The following SDK1 variants were observed in gnomAD, a reference collection of about 807,000 sequenced individuals.
SDK1 encodes the protein sidekick cell adhesion molecule 1.
Under a neutral mutation model 245.5 loss-of-function variants are expected in SDK1, and 157 were observed. That is an observed-to-expected ratio of 0.64 (90% CI 0.56 to 0.73). The LOEUF (loss-of-function observed/expected upper bound fraction) is 0.73, where lower values mean the gene tolerates loss of function less well. Ranked by LOEUF, SDK1 falls within the 30% of genes least tolerant of loss-of-function variation. The pLI, the probability that SDK1 is intolerant of heterozygous loss-of-function variation, is 0.00. For missense variants in SDK1, 3,583 were observed against 3,002.3 expected (o/e 1.19, Z -4.52); for synonymous variants, 1,647 against 1,278.5 (o/e 1.29, Z -6.15).
intron 4 of SDK1, among the ~76,000 whole-genome samples, chr7:3,666,003 T>G (rs1249013852): frequency 6.6e-6 from 1 of 152,214 alleles, no homozygotes; most frequent in Non-Finnish European, 1.5e-5. Flanking sequence ...GGGTTCACTC[T>G]TTCTTCCTGC....
At chr7:3,454,267 A>G (rs1322132206) in intron 1 of SDK1, among the ~76,000 whole-genome samples, 2 of 152,182 alleles carry the variant, frequency 1.3e-5, no homozygotes, top group East Asian at 3.8e-4. Context: ...AGATTATGAA[A>G]ATCAACTCAC....
chr7:4,171,844 A>G (rs1781858891), intron 32 of SDK1, among the ~76,000 whole-genome samples: 1 of 152,228 alleles, frequency 6.6e-6, no homozygotes, highest in African/African-American at 2.4e-5. Context: ...CGCAGGATGG[A>G]TACGTGACCC....
In SDK1 at chr7:3,619,094, T is replaced by C. The variant is rs753759887; in HGVS notation, c.313T>C (p.Tyr105His). The C allele has an allele frequency of 3.1e-6, 5 of 1,603,306 alleles. No homozygotes were observed. The highest frequency in any genetic ancestry group is 4.3e-6 in the Non-Finnish European group (5 of 1,172,800). The change falls in exon 2 of 45, where the codon TAT (tyrosine) becomes CAT (histidine). Residue 105 changes from tyrosine (Y) to histidine (H), a missense_variant. By Grantham distance (83) the Tyr-to-His change is moderately conservative. Transcript: ENST00000404826. ...RALAQDDVAP[Y>H]FKTEPGLPQI... ...TAATATTTCAGATGATGTTGCTCCA[T>C]ATTTTAAAACGGAGCCAGGCCTACC...
intron 4 of SDK1, among the ~76,000 whole-genome samples, chr7:3,707,552 T>C (rs994152173): frequency 7.2e-5 from 11 of 152,210 alleles, no homozygotes; most frequent in African/African-American, 2.4e-4. Flanking sequence ...GTTCTGTAAA[T>C]ATCTGTTAGG....
intron 13 of SDK1, among the ~76,000 whole-genome samples, chr7:3,983,903 G>T (rs1050367108): frequency 1.3e-5 from 2 of 152,196 alleles, no homozygotes; most frequent in African/African-American, 4.8e-5. Flanking sequence ...AGAGAAGGAC[G>T]TGTGCGTCTC....
At chr7:3,827,256 T>C (rs988225546) in intron 5 of SDK1, among the ~76,000 whole-genome samples, 2 of 152,178 alleles carry the variant, frequency 1.3e-5, no homozygotes, top group African/African-American at 4.8e-5. Flanking sequence ...TTCCAAGGCG[T>C]AGGCAGGCAT....
chr7:3,761,133 G>C (rs1052333182), intron 4 of SDK1, among the ~76,000 whole-genome samples: 1 of 152,000 alleles, frequency 6.6e-6, no homozygotes, highest in Non-Finnish European at 1.5e-5. Context: ...ATCTGTAACA[G>C]AATGAGTAGC....
At chr7:3,837,159 T>A (rs773479638) in intron 5 of SDK1, among the ~76,000 whole-genome samples, 1 of 152,226 alleles carries the variant, frequency 6.6e-6, no homozygotes, top group Non-Finnish European at 1.5e-5. Context: ...TACAGCTCAG[T>A]CCATAACGAC....
chr7:3,731,645 C>A (rs1281752681), intron 4 of SDK1, among the ~76,000 whole-genome samples: 1 of 152,090 alleles, frequency 6.6e-6, no homozygotes, highest in East Asian at 1.9e-4. Flanking sequence ...GTCGTCTCAC[C>A]TATTGTGATG....
chr7:4,017,348 G>A lies in SDK1; in HGVS notation c.2598G>A (p.Gln866=), dbSNP rs761284922. Residue 866 remains glutamine, a synonymous_variant, in exon 17 of 45, where the codon CAG becomes CAA. Transcript: ENST00000404826. ...FSRAVTEYTL[Q]GVPTAPPQNV... is the part of the protein sequence containing the mutation. Reference sequence around the variant, plus strand: ...GGGCAGTGACCGAGTACACCTTGCAGGGAGGTAAGCTTGTCTCCAAAACCA... The same window carrying A: ...GGGCAGTGACCGAGTACACCTTGCAAGGAGGTAAGCTTGTCTCCAAAACCA... The A allele has an allele frequency of 2.5e-6, 4 of 1,608,446 alleles. No homozygotes were observed. The highest frequency in any genetic ancestry group is 3.4e-6 in the Non-Finnish European group (4 of 1,177,076).
chr7:3,969,939 T>C (rs1208429440), intron 11 of SDK1, among the ~76,000 whole-genome samples: 1 of 152,236 alleles, frequency 6.6e-6, no homozygotes, highest in Non-Finnish European at 1.5e-5. Context: ...TAACTATCAA[T>C]GTTTCTTGTA....
chr7:3,834,212 A>G (rs773397473), intron 5 of SDK1, among the ~76,000 whole-genome samples: 7 of 152,144 alleles, frequency 4.6e-5, no homozygotes, highest in Non-Finnish European at 7.4e-5. Context: ...TGCCCTTTAA[A>G]CACTCAGACT....
chr7:3,717,011 A>G (rs28708453), intron 4 of SDK1, among the ~76,000 whole-genome samples: 12,798 of 152,206 alleles, frequency 0.084, 617 homozygotes, highest in Middle Eastern at 0.14. Flanking sequence ...ATTTAATTCC[A>G]TCTCAAGCAG....
chr7:3,614,014 A>G (rs1002038262), intron 1 of SDK1, among the ~76,000 whole-genome samples: 1 of 152,166 alleles, frequency 6.6e-6, no homozygotes, highest in Admixed American at 6.5e-5. Flanking sequence ...AGGAAGAGTA[A>G]CAATGGATAC....
intron 5 of SDK1, among the ~76,000 whole-genome samples, chr7:3,906,406 G>C (rs1441685601): frequency 1.3e-5 from 2 of 150,552 alleles, no homozygotes; most frequent in Non-Finnish European, 3.0e-5. Context: ...GTGTGAGAGA[G>C]AGAGAGAGAC....
chr7:4,129,885 C>G, intron 26 of SDK1, 23 bp from the exon 27 acceptor site: 2 of 1,612,644 alleles, frequency 1.2e-6, no homozygotes, highest in Non-Finnish European at 1.7e-6. Flanking sequence ...CCTGATAACC[C>G]TCGTGCTGTG....
chr7:3,994,125 C>T (rs948190498), intron 14 of SDK1, among the ~76,000 whole-genome samples: 1 of 152,204 alleles, frequency 6.6e-6, no homozygotes, highest in Non-Finnish European at 1.5e-5. Context: ...TCTTATCACA[C>T]ATGCTTTTCT....
chr7:3,458,609 CT>C (rs1562498311), intron 1 of SDK1, among the ~76,000 whole-genome samples: 1 of 151,966 alleles, frequency 6.6e-6, no homozygotes, highest in African/African-American at 2.4e-5. Context: ...AGTATACAAC[CT>C]ACCTGGAATG....
chr7:3,303,782 TACAG>T (rs1231334372), intron 1 of SDK1, among the ~76,000 whole-genome samples: 3 of 152,234 alleles, frequency 2.0e-5, no homozygotes, highest in Non-Finnish European at 4.4e-5. Flanking sequence ...AAATTCATAT[TACAG>T]AGGAGATGTC....
Sources: gnomAD v4.1 joint callset for allele counts (sites outside exome capture counted in the v4.1 genomes callset) on GRCh38, gnomAD v4.1.1 for gene constraint, MANE v1.5 for transcripts, NCBI Gene and HGNC (gene_info 2026-07-23, HGNC 2026-07-21) for gene names.